The following TBC1D19 variants were observed in gnomAD, a reference collection of about 807,000 sequenced individuals.
TBC1D19 encodes the protein TBC1 domain family, member 19.
TBC1D19 carries 60 observed loss-of-function variants against 89.0 expected under a neutral mutation model. The observed-to-expected ratio is 0.67, with a 90% confidence interval of 0.55 to 0.84. The LOEUF (loss-of-function observed/expected upper bound fraction) is 0.84. TBC1D19 is among the 40% of genes least tolerant of loss of function. The pLI, the probability that TBC1D19 is intolerant of heterozygous loss-of-function variation, is 0.00. For synonymous variants in TBC1D19, 189 were observed against 199.7 expected, an observed-to-expected ratio of 0.95 and a Z score of 0.45; for missense variants, 500 against 610.8, an observed-to-expected ratio of 0.82 and a Z score of 1.91.
chr4:26,731,699 T>A (rs976027112), intron 15 of TBC1D19, among the ~76,000 whole-genome samples: 3 of 151,908 alleles, frequency 2.0e-5, no homozygotes, highest in Non-Finnish European at 4.4e-5. Flanking sequence ...AAACAAACAC[T>A]CACAAAAAAC....
chr4:26,774,116 G>T, the TBC1D19 span, among the ~76,000 whole-genome samples: 924 of 152,196 alleles, frequency 6.1e-3, 1 homozygote, highest in Non-Finnish European at 0.011. Context: ...GAGCCTTTTG[G>T]GGGGCAGGGC....
At chr4:26,825,024 C>A in the TBC1D19 span, among the ~76,000 whole-genome samples, 2 of 152,038 alleles carry the variant, frequency 1.3e-5, no homozygotes, top group Non-Finnish European at 2.9e-5. Flanking sequence ...AATTACTAGA[C>A]GAATGTTTTC....
chr4:26,831,779 G>GACT, the TBC1D19 span, among the ~76,000 whole-genome samples: 1 of 151,876 alleles, frequency 6.6e-6, no homozygotes, highest in South Asian at 2.1e-4. Context: ...TTTTAGTAGA[G>GACT]ACGGGGTTTT....
chr4:26,607,290 C>T (rs1718606782), intron 1 of TBC1D19, among the ~76,000 whole-genome samples: 1 of 152,148 alleles, frequency 6.6e-6, no homozygotes. Context: ...CTACTTCTAG[C>T]CCCCCTCACC....
the TBC1D19 span, among the ~76,000 whole-genome samples, chr4:26,790,140 T>G: frequency 6.6e-6 from 1 of 152,084 alleles, no homozygotes; most frequent in African/African-American, 2.4e-5. Context: ...AGGCAATATA[T>G]CCATGTAACA....
intron 7 of TBC1D19, among the ~76,000 whole-genome samples, chr4:26,649,026 G>GT (rs1269092325): frequency 1.3e-5 from 2 of 151,852 alleles, no homozygotes; most frequent in African/African-American, 2.4e-5. Flanking sequence ...TGTATTTACA[G>GT]TTTTTTCTCC....
At chr4:26,846,090 T>G in the TBC1D19 span, among the ~76,000 whole-genome samples, 3 of 152,226 alleles carry the variant, frequency 2.0e-5, no homozygotes, top group Non-Finnish European at 4.4e-5. Context: ...AGAATTGTAT[T>G]CCTTTTTAAG....
chr4:26,754,871 A>G lies in TBC1D19; in HGVS notation c.1507-2A>G. 1.9e-6 allele frequency: 3 copies of G among 1,592,388 alleles called. No individual in the cohort carries two copies. Among genetic ancestry groups the G allele is most frequent in the Non-Finnish European group, 2.6e-6 (3 of 1,173,636 alleles). On this transcript the variant is annotated splice_acceptor_variant, in intron 20 of 20. Coordinates refer to ENST00000264866, the MANE Select transcript of TBC1D19 (RefSeq NM_018317.4). LOFTEE classifies it high-confidence loss of function. ...AATAATTCTTTTTATTTTTTGTTTC[A>G]GGCAGTTCTTGCTGACCTTTCTACT...
chr4:26,621,491 C>CA, intron 4 of TBC1D19, among the ~76,000 whole-genome samples: 1 of 152,144 alleles, frequency 6.6e-6, no homozygotes, highest in Non-Finnish European at 1.5e-5. Flanking sequence ...AAAGGTACCT[C>CA]AAAGAACTCC....
chr4:26,625,871 C>T (rs968145242), intron 4 of TBC1D19, among the ~76,000 whole-genome samples: 5 of 152,050 alleles, frequency 3.3e-5, no homozygotes, highest in Non-Finnish European at 5.9e-5. Flanking sequence ...TAGGTGTTAA[C>T]CCTGATCATC....
rs141593378 is a variant in TBC1D19, at chr4:26,605,918, A to G, written c.100-7251A>G. 7.1e-3 allele frequency among the ~76,000 whole-genome samples: 1,076 copies of G among 152,204 alleles called. 8 individuals are homozygous for G. Among genetic ancestry groups the G allele is most frequent in the Non-Finnish European group, 0.013 (882 of 68,008 alleles). On this transcript the variant is annotated intron_variant, in intron 1 of 20. Transcript: ENST00000264866. ...GATGGGGTTATTTGTTTTTTGAAGA[A>G]CTACCATTCTAATAAACAAATATTT...
At chr4:26,735,168 GTACACATATA>G (rs1442365010) in intron 15 of TBC1D19, among the ~76,000 whole-genome samples, 1 of 151,094 alleles carries the variant, frequency 6.6e-6, no homozygotes, top group African/African-American at 2.4e-5. Flanking sequence ...GTATATGTAT[GTACACATATA>G]TACACGTATA....
At chr4:26,671,016 A>G (rs894627287) in intron 9 of TBC1D19, among the ~76,000 whole-genome samples, 2 of 150,660 alleles carry the variant, frequency 1.3e-5, no homozygotes, top group Non-Finnish European at 3.0e-5. Flanking sequence ...ATTCTTGTAC[A>G]TGTCTCTTGG....
At chr4:26,651,532 A>G (rs1744382598) in intron 7 of TBC1D19, among the ~76,000 whole-genome samples, 1 of 152,152 alleles carries the variant, frequency 6.6e-6, no homozygotes, top group African/African-American at 2.4e-5. Flanking sequence ...TTGGTGTATA[A>G]GAATGTTTGT....
At chr4:26,634,406 A>G (rs1282675238) in intron 4 of TBC1D19, among the ~76,000 whole-genome samples, 1 of 152,112 alleles carries the variant, frequency 6.6e-6, no homozygotes, top group African/African-American at 2.4e-5. Flanking sequence ...GCAATACACA[A>G]TTTACAGGCC....
chr4:26,651,202 CT>C (rs1560446175), intron 7 of TBC1D19, among the ~76,000 whole-genome samples: 2 of 152,144 alleles, frequency 1.3e-5, no homozygotes, highest in African/African-American at 4.8e-5. Context: ...ACTGCGGGCT[CT>C]TTTTTGGTTC....
intron 13 of TBC1D19, among the ~76,000 whole-genome samples, chr4:26,696,615 A>T (rs1413943007): frequency 1.3e-5 from 2 of 152,108 alleles, no homozygotes; most frequent in African/African-American, 2.4e-5. Flanking sequence ...GAAGTAAAGC[A>T]CTCCTCAGCA....
At chr4:26,728,401 A>C (rs1360544275) in intron 15 of TBC1D19, among the ~76,000 whole-genome samples, 1 of 152,146 alleles carries the variant, frequency 6.6e-6, no homozygotes, top group Non-Finnish European at 1.5e-5. Context: ...TTTTTCTTTC[A>C]CATGTCAACA....
chr4:26,688,269 A>G, intron 12 of TBC1D19, 76 bp from the exon 13 acceptor site: 1 of 1,453,808 alleles, frequency 6.9e-7, no homozygotes, highest in Non-Finnish European at 9.1e-7. Flanking sequence ...TAGTGCTTCT[A>G]AATACATGTG....
Sources: gnomAD v4.1 joint callset for allele counts (sites outside exome capture counted in the v4.1 genomes callset) on GRCh38, gnomAD v4.1.1 for gene constraint, MANE v1.5 for transcripts, NCBI Gene and HGNC (gene_info 2026-07-23, HGNC 2026-07-21) for gene names.